Variants in IL1RAPL2 observed in about 807,000 individuals in gnomAD.
The protein encoded by IL1RAPL2 is interleukin 1 receptor accessory protein like 2.
In IL1RAPL2, 3 loss-of-function variants were observed where a neutral mutation model predicts 44.1. The ratio of observed to expected loss-of-function variants is 0.07; its 90% CI spans 0.03 to 0.18. The LOEUF (loss-of-function observed/expected upper bound fraction) is 0.18, where lower values mean the gene tolerates loss of function less well. Among genes scored for constraint, IL1RAPL2 ranks in the 10% least tolerant of loss-of-function variants. The pLI is 1.00. For missense variants in IL1RAPL2, 391 were observed against 496.4 expected, an observed-to-expected ratio of 0.79 and a Z score of 2.02; for synonymous variants, 181 against 178.8, an observed-to-expected ratio of 1.01 and a Z score of -0.10.
chrX:104,730,472 GT>G (rs1228484871), intron 2 of IL1RAPL2, among the ~76,000 whole-genome samples: 1 of 102,075 alleles, frequency 9.8e-6, no homozygotes, highest in Non-Finnish European at 2.0e-5. Context: ...AACATGTGGT[GT>G]TTGGTTTTTT....
chrX:105,221,693 G>A (rs1556182405), intron 3 of IL1RAPL2, among the ~76,000 whole-genome samples: 1 of 111,987 alleles, frequency 8.9e-6, no homozygotes, highest in Non-Finnish European at 1.9e-5. Context: ...CTGTTTACAT[G>A]CTAAGTTAGT....
intron 1 of IL1RAPL2, among the ~76,000 whole-genome samples, chrX:104,632,348 C>A (rs1168298406): frequency 1.8e-5 from 2 of 111,320 alleles, no homozygotes; most frequent in African/African-American, 3.3e-5. Context: ...TCCATATGAA[C>A]TTTAAAGTAG....
intron 3 of IL1RAPL2, among the ~76,000 whole-genome samples, chrX:105,217,492 A>G (rs2033874810): frequency 8.9e-6 from 1 of 111,888 alleles, no homozygotes; most frequent in South Asian, 3.8e-4. Context: ...ACACTTTTAC[A>G]CTGTTGGTGG....
intron 6 of IL1RAPL2, among the ~76,000 whole-genome samples, chrX:105,531,294 T>C (rs2036633861): frequency 8.9e-6 from 1 of 112,383 alleles, no homozygotes; most frequent in African/African-American, 3.2e-5. Context: ...TGCATTTCTC[T>C]GATAATCAAT....
intron 2 of IL1RAPL2, among the ~76,000 whole-genome samples, chrX:104,838,574 G>T (rs1921805829): frequency 9.0e-6 from 1 of 111,240 alleles, no homozygotes; most frequent in Non-Finnish European, 1.9e-5. Flanking sequence ...TATTGATTTT[G>T]TATCCTGAGA....
chrX:104,660,947 T>C (rs114366044), intron 2 of IL1RAPL2, among the ~76,000 whole-genome samples: 5,574 of 92,189 alleles, frequency 0.06, 428 homozygotes, highest in African/African-American at 0.25. Flanking sequence ...TATATATATA[T>C]ACACACACAC....
intron 5 of IL1RAPL2, among the ~76,000 whole-genome samples, chrX:105,432,165 T>G (rs1367504992): frequency 1.3e-5 from 1 of 77,677 alleles, no homozygotes; most frequent in Non-Finnish European, 2.3e-5. Context: ...CTTTTCTCAC[T>G]CTGGAATTTT....
At chrX:104,754,504 T>C (rs1932311871) in intron 2 of IL1RAPL2, among the ~76,000 whole-genome samples, 1 of 111,316 alleles carries the variant, frequency 9.0e-6, no homozygotes, top group Admixed American at 9.6e-5. Context: ...ATTTATAAAA[T>C]TGGAGATAGG....
At position 104,903,154 on chromosome X, in the gene IL1RAPL2, C is replaced by T. The variant is rs912516299; in HGVS notation, c.82+244159C>T. On this transcript the variant is annotated intron_variant, in intron 2 of 10. Coordinates refer to ENST00000372582, the MANE Select transcript of IL1RAPL2 (RefSeq NM_017416.2). Reference sequence around the variant, plus strand: ...TATTCCACTATGGATTTGCTACTAACGTGAATCTTTAAAAGGGAGAAAGCA... The same window carrying T: ...TATTCCACTATGGATTTGCTACTAATGTGAATCTTTAAAAGGGAGAAAGCA... Among the ~76,000 whole-genome samples, 8 of 111,564 alleles carry T rather than the reference C, an allele frequency of 7.2e-5. No individual in the cohort carries two copies. The South Asian group carries it at 2.6e-3, about 37-fold the overall frequency.
chrX:105,300,264 A>G (rs1480765349), intron 5 of IL1RAPL2, among the ~76,000 whole-genome samples: 1 of 111,712 alleles, frequency 9.0e-6, no homozygotes, highest in Non-Finnish European at 1.9e-5. Context: ...TGCAGGCTAT[A>G]CAGGAAGCAT....
At chrX:105,533,434 C>T (rs1165723340) in intron 6 of IL1RAPL2, among the ~76,000 whole-genome samples, 1 of 111,629 alleles carries the variant, frequency 9.0e-6, no homozygotes, top group Non-Finnish European at 1.9e-5. Flanking sequence ...GAACAATCCG[C>T]AGAATTATTC....
At chrX:104,763,408 C>T (rs991713137) in intron 2 of IL1RAPL2, among the ~76,000 whole-genome samples, 36 of 112,177 alleles carry the variant, frequency 3.2e-4, no homozygotes, top group Admixed American at 3.2e-3. Context: ...GAAGTTCAAA[C>T]TTTCCCACAT....
chrX:105,056,279 G>A (rs1471355435), intron 2 of IL1RAPL2, among the ~76,000 whole-genome samples: 4 of 111,433 alleles, frequency 3.6e-5, no homozygotes, highest in Non-Finnish European at 7.5e-5. Flanking sequence ...ATCAATAATC[G>A]GACAGAGCAG....
chrX:105,247,872 ATTAT>A (rs1214679893), intron 4 of IL1RAPL2, among the ~76,000 whole-genome samples: 2 of 109,979 alleles, frequency 1.8e-5, no homozygotes, highest in African/African-American at 3.3e-5. Context: ...TATAAAACAC[ATTAT>A]TTACTTACTT....
At chrX:105,101,912 A>G (rs1328375405) in intron 2 of IL1RAPL2, among the ~76,000 whole-genome samples, 2 of 112,191 alleles carry the variant, frequency 1.8e-5, no homozygotes, top group Non-Finnish European at 3.8e-5. Context: ...TGCAGTCATC[A>G]TTTAGCTGAA....
chrX:105,393,539 G>T (rs1471244242), intron 5 of IL1RAPL2, among the ~76,000 whole-genome samples: 1 of 111,038 alleles, frequency 9.0e-6, no homozygotes, highest in Admixed American at 9.6e-5. Flanking sequence ...TACAAAGGTG[G>T]TTTAGTTTTG....
At chrX:104,820,258 T>C (rs1445466831) in intron 2 of IL1RAPL2, among the ~76,000 whole-genome samples, 2 of 111,826 alleles carry the variant, frequency 1.8e-5, no homozygotes, top group Non-Finnish European at 3.8e-5. Flanking sequence ...TCCGTTGTTA[T>C]TGGTATCATG....
rs1349248427 is a variant in IL1RAPL2 at position 104,603,782 on chromosome X, C to T, written c.-20+36731C>T. ...AAAGAATGAAAAGGAATGAGCAAAG[C>T]ATCCAAATAAATATGGGACTATGTG... On this transcript the variant is annotated intron_variant, in intron 1 of 10. Transcript: ENST00000372582. Among the ~76,000 whole-genome samples the T allele has an allele frequency of 2.7e-5, 3 of 111,886 alleles. No homozygotes were observed. In the Admixed American group the frequency reaches 2.8e-4, roughly 11 times the overall value.
At chrX:105,080,065 T>C (rs1299282922) in intron 2 of IL1RAPL2, among the ~76,000 whole-genome samples, 1 of 112,188 alleles carries the variant, frequency 8.9e-6, no homozygotes, top group Admixed American at 9.5e-5. Flanking sequence ...TTCTTTTAAA[T>C]TTGTTTAACT....
Sources: allele counts gnomAD v4.1 joint callset (sites outside exome capture counted in the v4.1 genomes callset), GRCh38; gene constraint gnomAD v4.1.1; transcripts MANE v1.5; gene names NCBI Gene and HGNC (gene_info 2026-07-23, HGNC 2026-07-21).